DTX1: variants seen among roughly 807,000 people sequenced by gnomAD.
DTX1 encodes the protein deltex E3 ubiquitin ligase 1.
DTX1 carries 26 observed loss-of-function variants against 57.8 expected under a neutral mutation model. That is an observed-to-expected ratio of 0.45 (90% CI 0.33 to 0.62). The LOEUF (loss-of-function observed/expected upper bound fraction) is 0.62, where lower values mean the gene tolerates loss of function less well. Among genes scored for constraint, DTX1 ranks in the 20% least tolerant of loss-of-function variants. The probability of loss-of-function intolerance (pLI) is 0.02; values close to 1 mark genes in which losing one functional copy is unlikely to be tolerated. For synonymous variants in DTX1, 398 were observed against 394.1 expected (o/e 1.01, Z -0.12); for missense variants, 704 against 895.3 (o/e 0.79, Z 2.73).
In DTX1 at chr12:113,057,604, C is replaced by G. The variant is rs2044635553; in HGVS notation, c.-589C>G. The G allele has an allele frequency of 6.5e-6, 1 of 153,730 alleles. No homozygotes were observed. The highest frequency in any genetic ancestry group is 6.4e-5 in the Admixed American group (1 of 15,574). 9.5% of individuals were successfully genotyped at this position (153,730 alleles called of 1,614,324 possible). A position where few individuals can be genotyped will look rare whatever the true frequency, so the allele number is the denominator to read the frequency against. On this transcript the variant is annotated 5_prime_UTR_variant, in exon 2 of 10. Transcript: ENST00000548759. Reference sequence around the variant, plus strand: ...TGCGTTCTGCGGCCACCCAGGCCTTCCAGGACACCGTGGAGAGGGAACAAG... The same window carrying G: ...TGCGTTCTGCGGCCACCCAGGCCTTGCAGGACACCGTGGAGAGGGAACAAG...
chr12:113,075,995 T>A (rs1249843302), intron 2 of DTX1, among the ~76,000 whole-genome samples: 3 of 148,986 alleles, frequency 2.0e-5, no homozygotes, highest in African/African-American at 7.5e-5. Flanking sequence ...GATAAATGGG[T>A]AGAATGTGAA....
intron 9 of DTX1, 139 bp from the exon 10 acceptor site, chr12:113,096,576 C>A: frequency 1.5e-6 from 1 of 672,348 alleles, no homozygotes. Context: ...AATGGCCAAG[C>A]CAGCAGTACG....
At chr12:113,062,995 A>G (rs1295937261) in intron 2 of DTX1, among the ~76,000 whole-genome samples, 2 of 152,198 alleles carry the variant, frequency 1.3e-5, no homozygotes, top group African/African-American at 4.8e-5. Context: ...TGTTAGATCA[A>G]TCACGGTGGT....
In DTX1 at chr12:113,077,902, CG is replaced by C; in HGVS notation, c.739del (p.Val247CysfsTer59). The C allele has an allele frequency of 8.0e-7, 1 of 1,244,542 alleles. No homozygotes were observed. The highest frequency in any genetic ancestry group is 1.0e-6 in the Non-Finnish European group (1 of 999,966). 77.1% of individuals were successfully genotyped at this position (1,244,542 alleles called of 1,614,324 possible). ...PPGGPPGALAVRPSATFTGAA... is the reference protein window; with the variant it reads ...PPGGPPGALAXRPSATFTGAA... ...CTGGAGGGCCTCCAGGCGCGCTTGC[CG>C]TGCGCCCCAGCGCCACCTTCACAGG... On this transcript the variant is annotated frameshift_variant, in exon 3 of 10. Coordinates refer to ENST00000548759, the MANE Select transcript of DTX1 (RefSeq NM_004416.3). LOFTEE classifies it high-confidence loss of function. The surrounding 1 kb of genome is among the most constrained non-coding windows in gnomAD (Gnocchi z 7.8).
chr12:113,072,415 G>C (rs2044743085), intron 2 of DTX1, among the ~76,000 whole-genome samples: 1 of 152,196 alleles, frequency 6.6e-6, no homozygotes, highest in South Asian at 2.1e-4. Flanking sequence ...GAGGAGATGA[G>C]CACATGGAGG....
Position 113,093,500 on chromosome 12 carries a change from A to T in DTX1, c.1004-39A>T, listed in dbSNP as rs1674095. 1,201,701 of 1,513,248 alleles carry T rather than the reference A, an allele frequency of 0.79. 473,255 individuals carry two copies. Among genetic ancestry groups the T allele is most frequent in the Admixed American group, 0.86 (40,353 of 47,148 alleles). 93.7% of individuals were successfully genotyped at this position (1,513,248 alleles called of 1,614,324 possible). ...CCAGTGGTCGGGGGTTTGGGCGGGG[A>T]TGGCGCCCCGCCCTGTGACTGCGCC... On this transcript the variant is annotated intron_variant, in intron 4 of 9. Coordinates refer to ENST00000548759, the MANE Select transcript of DTX1 (RefSeq NM_004416.3). This position sits in a 1 kb window ranked among gnomAD's most constrained non-coding sequence, Gnocchi z 4.2.
intron 2 of DTX1, among the ~76,000 whole-genome samples, chr12:113,075,221 C>T (rs534419776): frequency 2.6e-5 from 4 of 152,206 alleles, no homozygotes; most frequent in Admixed American, 6.5e-5. Flanking sequence ...GAGTTGCCTA[C>T]GCACAGTCAC....
chr12:113,075,990 A>T (rs2044768818), intron 2 of DTX1, among the ~76,000 whole-genome samples: 1 of 150,180 alleles, frequency 6.7e-6, no homozygotes, highest in African/African-American at 2.4e-5. Flanking sequence ...ACCAAGATAA[A>T]TGGGTAGAAT....
chr12:113,058,396 G>A lies in DTX1; in HGVS notation c.204G>A (p.Gln68=), dbSNP rs2044645304. ...GSVVLGQVDA[Q]LVPYIIDLQS... is the part of the protein sequence containing the mutation. ...TGGTCCTGGGGCAGGTGGACGCCCA[G>A]CTTGTGCCCTACATCATCGACCTGC... The change falls in exon 2 of 10, where the codon CAG becomes CAA. Residue 68 remains glutamine, a synonymous_variant. Transcript: ENST00000548759. The A allele has an allele frequency of 1.9e-6, 3 of 1,608,688 alleles. No individual in the cohort carries two copies. The highest frequency in any genetic ancestry group is 1.3e-5 in the African/African-American group (1 of 74,936).
At chr12:113,084,571 A>G (rs2044842279) in intron 3 of DTX1, among the ~76,000 whole-genome samples, 1 of 152,048 alleles carries the variant, frequency 6.6e-6, no homozygotes, top group Non-Finnish European at 1.5e-5. Flanking sequence ...TTTTGTAGAG[A>G]TGGGCGTCTC....
chr12:113,093,295 C>T lies in DTX1; in HGVS notation c.1003+72C>T. ...GGCAGCTCCGCCTGTCACCCGGTGA[C>T]CCCGCCCCCGAGATGGGCTGGTGAG... On this transcript the variant is annotated intron_variant, in intron 4 of 9. Transcript: ENST00000548759. This position sits in a 1 kb window ranked among gnomAD's most constrained non-coding sequence, Gnocchi z 4.2. 6.6e-7 allele frequency: 1 copy of T among 1,504,906 alleles called. No homozygotes were observed. Among genetic ancestry groups the T allele is most frequent in the East Asian group, 2.5e-5 (1 of 40,538 alleles). 93.2% of individuals were successfully genotyped at this position (1,504,906 alleles called of 1,614,324 possible).
chr12:113,084,189 G>T (rs2044838624), intron 3 of DTX1, among the ~76,000 whole-genome samples: 1 of 152,202 alleles, frequency 6.6e-6, no homozygotes, highest in Non-Finnish European at 1.5e-5. Context: ...GGCAGCCTGG[G>T]CCTGGGGGAC....
At chr12:113,087,135 C>A (rs937058954) in intron 3 of DTX1, among the ~76,000 whole-genome samples, 2 of 148,970 alleles carry the variant, frequency 1.3e-5, no homozygotes, top group African/African-American at 5.2e-5. Context: ...TGAAGAGTGA[C>A]CCCCGCAGCC....
At chr12:113,090,642 C>T (rs1950241219) in intron 3 of DTX1, among the ~76,000 whole-genome samples, 1 of 152,204 alleles carries the variant, frequency 6.6e-6, no homozygotes. Flanking sequence ...TGACTTCCAT[C>T]ACACCGGCGC....
Position 113,057,903 on chromosome 12 carries a change from G to C in DTX1, c.-290G>C, listed in dbSNP as rs2044639363. On this transcript the variant is annotated 5_prime_UTR_variant, in exon 2 of 10. Coordinates refer to ENST00000548759, the MANE Select transcript of DTX1 (RefSeq NM_004416.3). ...CTCCCTACCTGAGCCAGCCGAGGGG[G>C]CCAAGGACTTTAGAGCTGTTTCCTC... 2.3e-6 allele frequency: 1 copy of C among 440,936 alleles called. No homozygotes were observed. The highest frequency in any genetic ancestry group is 4.0e-6 in the Non-Finnish European group (1 of 250,906). 27.3% of individuals were successfully genotyped at this position (440,936 alleles called of 1,614,324 possible).
At chr12:113,062,653 C>T (rs781592142) in intron 2 of DTX1, among the ~76,000 whole-genome samples, 4 of 152,192 alleles carry the variant, frequency 2.6e-5, no homozygotes, top group Non-Finnish European at 5.9e-5. Context: ...CCAAGGTACA[C>T]GTGCGTGTGC....
chr12:113,093,753 C>G lies in DTX1; in HGVS notation c.1165+53C>G. The G allele has an allele frequency of 6.3e-7, 1 of 1,597,886 alleles. No individual in the cohort carries two copies. Among genetic ancestry groups the G allele is most frequent in the Non-Finnish European group, 8.6e-7 (1 of 1,169,292 alleles). On this transcript the variant is annotated intron_variant, in intron 5 of 9. Coordinates refer to ENST00000548759, the MANE Select transcript of DTX1 (RefSeq NM_004416.3). This position sits in a 1 kb window ranked among gnomAD's most constrained non-coding sequence, Gnocchi z 4.2. ...GAGATGAACCCCACTAAGCCTTGAC[C>G]ACAACTCTGTGACCCCTGGTCTCCA...
At chr12:113,094,125 G>T in intron 6 of DTX1, 26 bp downstream of exon 6, 2 of 1,383,074 alleles carry the variant, frequency 1.4e-6, no homozygotes, top group Non-Finnish European at 1.0e-6. Flanking sequence ...GGGGGCTGGG[G>T]GAGGGCCCTG....
At chr12:113,094,666 T>C in intron 6 of DTX1, 123 bp from the exon 7 acceptor site, 1 of 1,289,798 alleles carries the variant, frequency 7.8e-7, no homozygotes. Context: ...CCTGTCTCCC[T>C]TTGCCAAATG....
Sources: allele counts gnomAD v4.1 joint callset (sites outside exome capture counted in the v4.1 genomes callset), GRCh38; gene constraint gnomAD v4.1.1; non-coding constraint Gnocchi (gnomAD v3.1); transcripts MANE v1.5; gene names NCBI Gene and HGNC (gene_info 2026-07-23, HGNC 2026-07-21).